The following CYB5R4 variants were observed in gnomAD, a reference collection of about 807,000 sequenced individuals.
CYB5R4 encodes cytochrome b5 reductase 4, also known as N-terminal cytochrome b5 and cytochrome b5 oxidoreductase domain-containing protein.
CYB5R4 carries 55 observed loss-of-function variants against 70.2 expected under a neutral mutation model. The ratio of observed to expected loss-of-function variants is 0.78; its 90% confidence interval spans 0.63 to 0.98. CYB5R4 has a LOEUF of 0.98. CYB5R4 is among the 50% of genes least tolerant of loss of function. CYB5R4 has a pLI of 0.00. For synonymous variants in CYB5R4, 197 were observed against 199.5 expected (o/e 0.99, Z 0.11); for missense variants, 562 against 612.6 (o/e 0.92, Z 0.87).
At chr6:83,923,510 A>G (rs1430823413) in intron 9 of CYB5R4, among the ~76,000 whole-genome samples, 3 of 152,226 alleles carry the variant, frequency 2.0e-5, no homozygotes, top group Non-Finnish European at 4.4e-5. Context: ...GGAGAGCAGA[A>G]CATTGTTTCT....
intron 14 of CYB5R4, among the ~76,000 whole-genome samples, chr6:83,953,280 A>G (rs1344384279): frequency 6.6e-6 from 1 of 152,068 alleles, no homozygotes; most frequent in Admixed American, 6.6e-5. Flanking sequence ...GCTTTCATGG[A>G]ATAACTACTA....
chr6:83,869,914 A>G (rs972414201), intron 2 of CYB5R4, among the ~76,000 whole-genome samples: 11 of 152,172 alleles, frequency 7.2e-5, no homozygotes, highest in Non-Finnish European at 1.2e-4. Context: ...ACTGTTTAAA[A>G]TGGCCCCCAA....
rs1198332508 is a variant in CYB5R4 at position 83,924,420 on chromosome 6, ATC to A, written c.692-48_692-47del. 3.8e-6 allele frequency: 6 copies of A among 1,585,602 alleles called. No individual in the cohort carries two copies. The African/African-American group carries it at 6.8e-5, about 18-fold the overall frequency. On this transcript the variant is annotated intron_variant, in intron 9 of 15. Coordinates refer to ENST00000369681, the MANE Select transcript of CYB5R4 (RefSeq NM_016230.4). The stretch of plus-strand genomic sequence containing the variant: ...TGAGAAATACTGGTTTTAAAATAAA[ATC>A]TTGTATTTAGTATCGATGAACACAA...
chr6:83,939,547 A>G (rs2099469424), intron 12 of CYB5R4, among the ~76,000 whole-genome samples: 1 of 152,338 alleles, frequency 6.6e-6, no homozygotes, highest in South Asian at 2.1e-4. Flanking sequence ...GTTAATCAAC[A>G]TAAGATTTTA....
At chr6:83,906,340 C>T (rs1379817188) in intron 3 of CYB5R4, among the ~76,000 whole-genome samples, 8 of 152,124 alleles carry the variant, frequency 5.3e-5, no homozygotes, top group Admixed American at 5.2e-4. Flanking sequence ...GGTTCTAGTA[C>T]AGTGTGCAGT....
chr6:83,871,765 G>A (rs2099457673), intron 2 of CYB5R4, among the ~76,000 whole-genome samples: 1 of 151,488 alleles, frequency 6.6e-6, no homozygotes, highest in South Asian at 2.1e-4. Flanking sequence ...TAATATATTG[G>A]CATATAGTTA....
At chr6:83,871,008 C>T (rs1017019842) in intron 2 of CYB5R4, among the ~76,000 whole-genome samples, 9 of 126,904 alleles carry the variant, frequency 7.1e-5, no homozygotes, top group Admixed American at 5.9e-4. Context: ...TGGAGTTTCA[C>T]TCTTGTCACC....
chr6:83,913,913 C>CA (rs1312648956), intron 4 of CYB5R4, among the ~76,000 whole-genome samples: 1 of 152,012 alleles, frequency 6.6e-6, no homozygotes, highest in African/African-American at 2.4e-5. Context: ...CTAATAATTG[C>CA]ATTGGGTATA....
chr6:83,865,422 C>T (rs939248909), intron 2 of CYB5R4, among the ~76,000 whole-genome samples: 1 of 152,168 alleles, frequency 6.6e-6, no homozygotes, highest in Non-Finnish European at 1.5e-5. Flanking sequence ...CAGCAGGGTT[C>T]GTTCCTTCTG....
At chr6:83,889,601 G>T (rs192108543) in intron 2 of CYB5R4, among the ~76,000 whole-genome samples, 2 of 152,244 alleles carry the variant, frequency 1.3e-5, no homozygotes, top group Admixed American at 6.5e-5. Flanking sequence ...CAATGCAACT[G>T]GTCACCCAAG....
chr6:83,869,571 G>T (rs1191269412), intron 2 of CYB5R4, among the ~76,000 whole-genome samples: 1 of 152,222 alleles, frequency 6.6e-6, no homozygotes, highest in Non-Finnish European at 1.5e-5. Context: ...GCTCACGCCT[G>T]TGATCCCAGC....
chr6:83,880,663 A>T (rs1357074502), intron 2 of CYB5R4, among the ~76,000 whole-genome samples: 1 of 152,032 alleles, frequency 6.6e-6, no homozygotes. Flanking sequence ...TTAATTTTTT[A>T]TGCTTTTACT....
chr6:83,921,020 G>T, intron 7 of CYB5R4, 62 bp from the exon 8 acceptor site: 2 of 1,255,690 alleles, frequency 1.6e-6, no homozygotes, highest in Non-Finnish European at 1.1e-6. Flanking sequence ...TAAAAGTATA[G>T]TTGTAGAAGT....
intron 3 of CYB5R4, among the ~76,000 whole-genome samples, chr6:83,904,751 C>G (rs2099463499): frequency 6.6e-6 from 1 of 152,070 alleles, no homozygotes; most frequent in African/African-American, 2.4e-5. Flanking sequence ...CTGTTTGGTT[C>G]TTTTTCATGA....
At chr6:83,870,062 A>G (rs1233250969) in intron 2 of CYB5R4, among the ~76,000 whole-genome samples, 7 of 152,190 alleles carry the variant, frequency 4.6e-5, no homozygotes. Flanking sequence ...TGAATCAACA[A>G]TATATATTAA....
intron 4 of CYB5R4, among the ~76,000 whole-genome samples, chr6:83,912,265 A>T (rs2099464819): frequency 6.6e-6 from 1 of 152,150 alleles, no homozygotes; most frequent in Non-Finnish European, 1.5e-5. Context: ...AATTATCTTT[A>T]TGTATGATAA....
Position 83,950,752 on chromosome 6 carries a change from A to G in CYB5R4, c.1347-4546A>G, listed in dbSNP as rs1562847010. 3.3e-5 allele frequency among the ~76,000 whole-genome samples: 5 copies of G among 152,240 alleles called. No homozygotes were observed. The South Asian group carries it at 1.0e-3, about 32-fold the overall frequency. On this transcript the variant is annotated intron_variant, in intron 14 of 15. Coordinates refer to ENST00000369681, the MANE Select transcript of CYB5R4 (RefSeq NM_016230.4). ...TATATAGAAAAGGTATAAGAAAAAA[A>G]TCACCCATAATCCTACCACCCAAAG...
At chr6:83,959,265 T>C (rs1305219643) in intron 15 of CYB5R4, among the ~76,000 whole-genome samples, 1 of 152,176 alleles carries the variant, frequency 6.6e-6, no homozygotes, top group African/African-American at 2.4e-5. Context: ...ATTTATTACA[T>C]GCCTCCAGAT....
At chr6:83,875,649 G>T (rs1382028857) in intron 2 of CYB5R4, among the ~76,000 whole-genome samples, 2 of 152,192 alleles carry the variant, frequency 1.3e-5, no homozygotes, top group Non-Finnish European at 2.9e-5. Flanking sequence ...ACAGAGTAGG[G>T]TGTTCCTGAG....
Sources: gnomAD v4.1 joint callset for allele counts (sites outside exome capture counted in the v4.1 genomes callset) on GRCh38, gnomAD v4.1.1 for gene constraint, MANE v1.5 for transcripts, NCBI Gene and HGNC (gene_info 2026-07-23, HGNC 2026-07-21) for gene names.